The following AZIN2 variants were observed in gnomAD, a reference collection of about 807,000 sequenced individuals.
AZIN2 encodes ODC antizyme inhibitor-2.
A neutral mutation model predicts 47.8 loss-of-function variants in AZIN2; 28 were observed. The ratio of observed to expected loss-of-function variants is 0.59; its 90% CI spans 0.43 to 0.80. The LOEUF is 0.80. Among genes scored for constraint, AZIN2 ranks in the 30% least tolerant of loss-of-function variants. The pLI, the probability that AZIN2 is intolerant of heterozygous loss-of-function variation, is 0.00. For missense variants in AZIN2, 535 were observed against 582.5 expected (o/e 0.92, Z 0.84); for synonymous variants, 221 against 239.4 (o/e 0.92, Z 0.71).
At chr1:33,090,575 T>C (rs931039100) in intron 5 of AZIN2, among the ~76,000 whole-genome samples, 1 of 152,234 alleles carries the variant, frequency 6.6e-6, no homozygotes. Flanking sequence ...TTTTGTTATT[T>C]ATTAAGCTGA....
rs1642937793 is a variant in AZIN2, at chr1:33,094,603, G to A, written c.643G>A (p.Asp215Asn). 6.2e-7 allele frequency: 1 copy of A among 1,614,056 alleles called. No homozygotes were observed. The highest frequency in any genetic ancestry group is 1.1e-5 in the South Asian group (1 of 91,086). Residue 215 changes from aspartate to asparagine, a missense_variant, in exon 8 of 12, where the codon GAC becomes AAC. Transcript: ENST00000294517. ...DPQAYAQSIA[D>N]ARLVFEMGTE... ...TCAGGCCTATGCTCAGTCCATCGCA[G>A]ACGCCCGGCTCGTGTTTGAAATGGG...
chr1:33,125,362 G>A (rs76254277), downstream of AZIN2, among the ~76,000 whole-genome samples: 3,945 of 152,260 alleles, frequency 0.026, 186 homozygotes, highest in African/African-American at 0.09. Context: ...TTTCCGCTGC[G>A]ATGCCAAAAA....
chr1:33,094,213 G>T (rs1266048568), intron 7 of AZIN2, among the ~76,000 whole-genome samples: 1 of 152,178 alleles, frequency 6.6e-6, no homozygotes, highest in Non-Finnish European at 1.5e-5. Flanking sequence ...CATTATAGGT[G>T]GGGAAACTAA....
intron 10 of AZIN2, among the ~76,000 whole-genome samples, chr1:33,099,714 G>A (rs567906334): frequency 6.6e-6 from 1 of 152,320 alleles, no homozygotes. Flanking sequence ...TTTGTGGTCT[G>A]TGCTGTTCCT....
chr1:33,147,062 C>T, the AZIN2 span: 1 of 1,130,260 alleles, frequency 8.8e-7, no homozygotes, highest in South Asian at 1.5e-5. This position sits in a 1 kb window ranked among gnomAD's most constrained non-coding sequence, Gnocchi z 8.1. Context: ...GGGTAAACAA[C>T]TGGCCTGAGG....
the AZIN2 span, chr1:33,160,003 TGA>T: frequency 6.4e-7 from 1 of 1,569,374 alleles, no homozygotes; most frequent in Non-Finnish European, 8.6e-7. Flanking sequence ...GATCTCTGGG[TGA>T]GAGGAGGAAA....
chr1:33,148,664 G>A, the AZIN2 span, among the ~76,000 whole-genome samples: 1 of 152,146 alleles, frequency 6.6e-6, no homozygotes, highest in South Asian at 2.1e-4. Context: ...AATAGTCAGA[G>A]TATGTATCTA....
At chr1:33,105,141 TG>T (rs1643935180) in intron 10 of AZIN2, among the ~76,000 whole-genome samples, 1 of 152,140 alleles carries the variant, frequency 6.6e-6, no homozygotes, top group African/African-American at 2.4e-5. Context: ...CAGAGCTGGG[TG>T]GGGAGAGAGA....
intron 11 of AZIN2, 105 bp downstream of exon 11, chr1:33,118,221 T>G: frequency 8.0e-7 from 1 of 1,256,192 alleles, no homozygotes; most frequent in Non-Finnish European, 1.1e-6. Context: ...ACTTGACAAG[T>G]AGCTGTTGGC....
At chr1:33,134,114 C>T in the AZIN2 span, among the ~76,000 whole-genome samples, 1 of 152,250 alleles carries the variant, frequency 6.6e-6, no homozygotes. Flanking sequence ...TGCTTCCCCA[C>T]AAGCATGCTC....
rs1434230905 is a variant in AZIN2, at chr1:33,093,341, T to G, written c.512T>G (p.Phe171Cys). The G allele has an allele frequency of 6.2e-7, 1 of 1,613,924 alleles. No homozygotes were observed. The highest frequency in any genetic ancestry group is 1.3e-5 in the African/African-American group (1 of 74,874). The change falls in exon 7 of 12, where the codon TTT becomes TGT. Residue 171 changes from phenylalanine to cysteine, a missense_variant. Coordinates refer to ENST00000294517, the MANE Select transcript of AZIN2 (RefSeq NM_052998.4). ...TCCCTGAGCTGCCTGAGCCTAAAGT[T>G]TGGAGTGTCACTGAAATCCTGCAGA... ...SHSLSCLSLK[F>C]GVSLKSCRHL...
chr1:33,148,977 C>T, the AZIN2 span, among the ~76,000 whole-genome samples: 96 of 152,256 alleles, frequency 6.3e-4, 2 homozygotes, highest in South Asian at 7.7e-3. Flanking sequence ...CACTTCTGCC[C>T]CCTACCCCAC....
Position 33,093,347 on chromosome 1 carries a change from T to C in AZIN2, c.518T>C (p.Val173Ala). ...AGCTGCCTGAGCCTAAAGTTTGGAGTGTCACTGAAATCCTGCAGACACCTG... is the reference window on the plus strand; with the variant it reads ...AGCTGCCTGAGCCTAAAGTTTGGAGCGTCACTGAAATCCTGCAGACACCTG... ...SLSCLSLKFG[V>A]SLKSCRHLLE... Residue 173 changes from valine to alanine, a missense_variant, in exon 7 of 12, where the codon GTG (valine) becomes GCG (alanine). Transcript: ENST00000294517. 6.2e-7 allele frequency: 1 copy of C among 1,613,888 alleles called. No homozygotes were observed. The highest frequency in any genetic ancestry group is 8.5e-7 in the Non-Finnish European group (1 of 1,179,938).
chr1:33,089,913 C>T (rs6675630), intron 5 of AZIN2, among the ~76,000 whole-genome samples: 2,872 of 152,278 alleles, frequency 0.019, 36 homozygotes, highest in Non-Finnish European at 0.025. Context: ...CTTGTTTATT[C>T]GTGGAGAGTC....
In AZIN2 at chr1:33,096,705, A is replaced by G. The variant is rs868055705; in HGVS notation, c.754-2A>G. ...ATTGTCTCCCCATTCTCCTCCTACC[A>G]GATTGCTTCCGTGATCAACTCAGCC... On this transcript the variant is annotated splice_acceptor_variant, in intron 8 of 11. Coordinates refer to ENST00000294517, the MANE Select transcript of AZIN2 (RefSeq NM_052998.4). LOFTEE classifies it high-confidence loss of function. 1 of 1,614,222 alleles carries G rather than the reference A, an allele frequency of 6.2e-7. No individual in the cohort carries two copies. The highest frequency in any genetic ancestry group is 8.5e-7 in the Non-Finnish European group (1 of 1,180,026).
chr1:33,156,259 A>G, the AZIN2 span, among the ~76,000 whole-genome samples: 1 of 151,540 alleles, frequency 6.6e-6, no homozygotes, highest in Non-Finnish European at 1.5e-5. Context: ...GCACTGCCAC[A>G]CTCTCTCTCC....
chr1:33,129,327 T>C, the AZIN2 span, among the ~76,000 whole-genome samples: 1 of 152,164 alleles, frequency 6.6e-6, no homozygotes, highest in African/African-American at 2.4e-5. This position sits in a 1 kb window ranked among gnomAD's most constrained non-coding sequence, Gnocchi z 4.1. Flanking sequence ...ACAACTCTGA[T>C]TGGACAGAGG....
chr1:33,154,022 A>G, the AZIN2 span, among the ~76,000 whole-genome samples: 1 of 152,194 alleles, frequency 6.6e-6, no homozygotes, highest in Non-Finnish European at 1.5e-5. Flanking sequence ...AGGTTTTATA[A>G]ACTAAGATGC....
chr1:33,147,070 AGGTCTCCAGTGGCCAC>A, the AZIN2 span: 13 of 1,232,596 alleles, frequency 1.1e-5, no homozygotes, highest in Non-Finnish European at 1.5e-5. This position sits in a 1 kb window ranked among gnomAD's most constrained non-coding sequence, Gnocchi z 8.1. Context: ...AACTGGCCTG[AGGTCTCCAGTGGCCAC>A]GGTGGGCTGG....
Sources: gnomAD v4.1 joint callset for allele counts (sites outside exome capture counted in the v4.1 genomes callset) on GRCh38, gnomAD v4.1.1 for gene constraint, Gnocchi (gnomAD v3.1) non-coding constraint, MANE v1.5 for transcripts, NCBI Gene and HGNC (gene_info 2026-07-23, HGNC 2026-07-21) for gene names.